MARCHF1: variants seen among roughly 807,000 people sequenced by gnomAD.
MARCHF1 encodes E3 ubiquitin-protein ligase MARCHF1.
In MARCHF1, 40 loss-of-function variants were observed where a neutral mutation model predicts 54.2. That is an observed-to-expected ratio of 0.74 (90% confidence interval 0.57 to 0.96). The LOEUF (loss-of-function observed/expected upper bound fraction) is 0.96. Among genes scored for constraint, MARCHF1 ranks in the 40% least tolerant of loss-of-function variants. MARCHF1 has a pLI of 0.00. For missense variants in MARCHF1, 586 were observed against 656.5 expected, an observed-to-expected ratio of 0.89 and a Z score of 1.17; for synonymous variants, 236 against 236.3, an observed-to-expected ratio of 1.00 and a Z score of 0.01.
At chr4:163,845,991 T>A (rs1041293861) in intron 4 of MARCHF1, among the ~76,000 whole-genome samples, 13 of 152,186 alleles carry the variant, frequency 8.5e-5, no homozygotes, top group Admixed American at 7.2e-4. Context: ...CTTACAAAAA[T>A]CAAAGTTCTT....
chr4:164,180,528 GAAGTTTTATTAAAATAC>G (rs1164801774), intron 1 of MARCHF1, among the ~76,000 whole-genome samples: 9 of 152,092 alleles, frequency 5.9e-5, no homozygotes, highest in African/African-American at 1.9e-4. Context: ...TTTCAAGGCT[GAAGTTTTATTAAAATAC>G]AAGAATTGGC....
At chr4:164,151,670 T>G (rs576394625) in intron 1 of MARCHF1, among the ~76,000 whole-genome samples, 7 of 152,272 alleles carry the variant, frequency 4.6e-5, no homozygotes, top group African/African-American at 1.4e-4. Context: ...AGCCACTACA[T>G]GCAAAGAAGG....
intron 5 of MARCHF1, among the ~76,000 whole-genome samples, chr4:163,674,959 G>T (rs1244833497): frequency 6.6e-6 from 1 of 152,114 alleles, no homozygotes. Flanking sequence ...AAATCTTCTA[G>T]ATGATAGCTC....
intron 1 of MARCHF1, among the ~76,000 whole-genome samples, chr4:164,268,305 C>T (rs927441322): frequency 2.0e-5 from 3 of 151,986 alleles, no homozygotes; most frequent in Non-Finnish European, 4.4e-5. Context: ...CTGTGTCACC[C>T]GAAGTCTTCA....
chr4:163,637,192 A>T (rs1742365478), intron 5 of MARCHF1, among the ~76,000 whole-genome samples: 1 of 152,138 alleles, frequency 6.6e-6, no homozygotes, highest in Admixed American at 6.5e-5. Flanking sequence ...ATGGGCAAGG[A>T]CTTCTTGTCT....
chr4:164,152,424 C>A (rs1394461193), intron 1 of MARCHF1, among the ~76,000 whole-genome samples: 1 of 152,120 alleles, frequency 6.6e-6, no homozygotes, highest in Non-Finnish European at 1.5e-5. Context: ...GCTCTATAAA[C>A]CAGGAATTCT....
intron 2 of MARCHF1, among the ~76,000 whole-genome samples, chr4:164,037,985 G>A (rs1754045144): frequency 6.6e-6 from 1 of 152,148 alleles, no homozygotes. Context: ...GGAGATGGTG[G>A]TGGGAAAGAA....
At position 164,165,362 on chromosome 4, in the gene MARCHF1, G is replaced by GTCTCTCTCTC. The variant is rs55721102; in HGVS notation, c.-322-53710_-322-53701dup. On this transcript the variant is annotated intron_variant, in intron 1 of 9. Transcript: ENST00000514618. Reference sequence around the variant, plus strand: ...AGAAACACAAGCACGTTTTCTCTCTGTCTCTCTCTCTCTCTCTCTCTGCCT... The same window carrying GTCTCTCTCTC: ...AGAAACACAAGCACGTTTTCTCTCTGTCTCTCTCTCTCTCTCTCTCTCTCTCTCTCTGCCT... 5.4e-3 allele frequency among the ~76,000 whole-genome samples: 805 copies of GTCTCTCTCTC among 148,726 alleles called. 10 individuals are homozygous for GTCTCTCTCTC. The highest frequency in any genetic ancestry group is 0.016 in the African/African-American group (669 of 40,582).
At chr4:163,967,870 G>A (rs552930516) in intron 3 of MARCHF1, among the ~76,000 whole-genome samples, 1 of 152,140 alleles carries the variant, frequency 6.6e-6, no homozygotes, top group South Asian at 2.1e-4. Flanking sequence ...CTCTTGCCTG[G>A]GGAGGCTGGT....
chr4:163,607,407 A>G (rs1268057368), intron 7 of MARCHF1, among the ~76,000 whole-genome samples: 2 of 152,098 alleles, frequency 1.3e-5, no homozygotes, highest in African/African-American at 4.8e-5. Flanking sequence ...TATGGAAGGA[A>G]TAAGATCAAA....
rs531539842 is a variant in MARCHF1, at chr4:164,000,300, C to T, written c.-247-11591G>A. ...TAGATATGCTAAATAATACTTTAGG[C>T]CATATTATGATTTATTGAAATGAAA... On this transcript the variant is annotated intron_variant, in intron 2 of 9. Coordinates refer to ENST00000514618, the MANE Select transcript of MARCHF1 (RefSeq NM_001394959.1). Among the ~76,000 whole-genome samples the T allele has an allele frequency of 3.2e-4, 48 of 151,500 alleles. 1 individual carries two copies. The highest frequency in any genetic ancestry group is 1.1e-3 in the African/African-American group (47 of 41,402).
At chr4:164,247,465 G>A (rs566923006) in intron 1 of MARCHF1, among the ~76,000 whole-genome samples, 2 of 151,768 alleles carry the variant, frequency 1.3e-5, no homozygotes, top group South Asian at 2.1e-4. Flanking sequence ...TGTGGGGTGC[G>A]GGGAGAGGGG....
chr4:163,767,560 T>G (rs1444364583), intron 4 of MARCHF1, among the ~76,000 whole-genome samples: 6 of 152,080 alleles, frequency 3.9e-5, no homozygotes, highest in Admixed American at 3.9e-4. Context: ...GGTCTCGATC[T>G]CCTGACCTCA....
rs1207967943 is a variant in MARCHF1, at chr4:163,591,061, T to A, written c.1011-5132A>T. On this transcript the variant is annotated intron_variant, in intron 7 of 9. Transcript: ENST00000514618. ...CAATAATTATTAATAATCAATTATTTCATATGATTATTAATTAATTATTGT... is the reference window on the plus strand; with the variant it reads ...CAATAATTATTAATAATCAATTATTACATATGATTATTAATTAATTATTGT... Among the ~76,000 whole-genome samples the A allele has an allele frequency of 2.0e-5, 3 of 151,208 alleles. No homozygotes were observed. The East Asian group carries it at 5.8e-4, about 29-fold the overall frequency.
intron 2 of MARCHF1, among the ~76,000 whole-genome samples, chr4:164,034,718 C>A (rs529593227): frequency 6.6e-6 from 1 of 151,882 alleles, no homozygotes; most frequent in Non-Finnish European, 1.5e-5. Flanking sequence ...TCATGTAATA[C>A]AAAAAACCTT....
chr4:164,218,946 A>T (rs1055803131), intron 1 of MARCHF1, among the ~76,000 whole-genome samples: 1 of 152,146 alleles, frequency 6.6e-6, no homozygotes, highest in African/African-American at 2.4e-5. Flanking sequence ...CAATTAATGT[A>T]AAAAGTATCC....
At chr4:163,917,876 T>C (rs1751344653) in intron 3 of MARCHF1, among the ~76,000 whole-genome samples, 1 of 152,210 alleles carries the variant, frequency 6.6e-6, no homozygotes. Context: ...GATGAAAGTT[T>C]CTTTTGCTGT....
At chr4:163,745,247 G>T (rs1579250879) in intron 4 of MARCHF1, among the ~76,000 whole-genome samples, 1 of 151,728 alleles carries the variant, frequency 6.6e-6, no homozygotes, top group Non-Finnish European at 1.5e-5. Context: ...GAGTAGCTGG[G>T]ATTACAGGTG....
intron 3 of MARCHF1, among the ~76,000 whole-genome samples, chr4:163,929,932 ATTATATATT>A (rs1470841990): frequency 3.0e-4 from 22 of 74,572 alleles, no homozygotes; most frequent in African/African-American, 8.8e-4. Context: ...TATATAATAT[ATTATATATT>A]TATATTATAT....
Sources: allele counts gnomAD v4.1 joint callset (sites outside exome capture counted in the v4.1 genomes callset), GRCh38; gene constraint gnomAD v4.1.1; transcripts MANE v1.5; gene names NCBI Gene and HGNC (gene_info 2026-07-23, HGNC 2026-07-21).